The following ABTB3 variants were observed in gnomAD, a reference collection of about 807,000 sequenced individuals.
ABTB3 encodes the protein ankyrin repeat and BTB domain containing 3.
chr12:107,549,915 G>A, the ABTB3 span, among the ~76,000 whole-genome samples: 1 of 152,162 alleles, frequency 6.6e-6, no homozygotes, highest in Non-Finnish European at 1.5e-5. Flanking sequence ...AGATATTGGG[G>A]CTTGTAAAAC....
At chr12:107,646,082 G>GC in the ABTB3 span, among the ~76,000 whole-genome samples, 6 of 152,246 alleles carry the variant, frequency 3.9e-5, no homozygotes, top group Non-Finnish European at 8.8e-5. Context: ...AACATCACGC[G>GC]CCGGCAAGGG....
chr12:107,376,362 T>C, the ABTB3 span, among the ~76,000 whole-genome samples: 2 of 152,204 alleles, frequency 1.3e-5, no homozygotes, highest in Non-Finnish European at 2.9e-5. Flanking sequence ...AGTATATATT[T>C]GATGAATGGA....
At chr12:107,587,685 G>C in the ABTB3 span, among the ~76,000 whole-genome samples, 1 of 152,152 alleles carries the variant, frequency 6.6e-6, no homozygotes, top group Non-Finnish European at 1.5e-5. Context: ...GTCCTGAGGT[G>C]TTCTCAAATA....
At chr12:107,594,441 A>G in the ABTB3 span, among the ~76,000 whole-genome samples, 3 of 152,198 alleles carry the variant, frequency 2.0e-5, no homozygotes, top group African/African-American at 7.2e-5. Context: ...CAGTAGCAGC[A>G]TTAAACAGCA....
the ABTB3 span, among the ~76,000 whole-genome samples, chr12:107,494,795 T>A: frequency 2.6e-5 from 4 of 152,176 alleles, no homozygotes; most frequent in African/African-American, 4.8e-5. Context: ...GGCTCTGCGC[T>A]GCAGCCGCCT....
At chr12:107,319,583 C>T in the ABTB3 span, 1 of 1,538,758 alleles carries the variant, frequency 6.5e-7, no homozygotes, top group Admixed American at 2.0e-5. Flanking sequence ...CTCCGTGGGC[C>T]GCGTGTATCG....
chr12:107,542,373 A>G, the ABTB3 span, among the ~76,000 whole-genome samples: 10 of 152,118 alleles, frequency 6.6e-5, no homozygotes, highest in East Asian at 1.9e-3. Flanking sequence ...AGTACGCAAC[A>G]TATTCTGGTG....
the ABTB3 span, among the ~76,000 whole-genome samples, chr12:107,592,658 A>G: frequency 6.6e-6 from 1 of 152,274 alleles, no homozygotes; most frequent in African/African-American, 2.4e-5. Context: ...TAACACTTCT[A>G]TAAAGTTCAC....
the ABTB3 span, among the ~76,000 whole-genome samples, chr12:107,430,439 T>A: frequency 6.6e-6 from 1 of 152,278 alleles, no homozygotes; most frequent in East Asian, 1.9e-4. Flanking sequence ...TTGAAAATTC[T>A]GTACAATTTA....
the ABTB3 span, among the ~76,000 whole-genome samples, chr12:107,341,132 T>G: frequency 6.6e-6 from 1 of 152,206 alleles, no homozygotes; most frequent in Non-Finnish European, 1.5e-5. Context: ...AGCATACCCC[T>G]GAGTGCTGTC....
the ABTB3 span, among the ~76,000 whole-genome samples, chr12:107,431,291 G>A: frequency 6.6e-6 from 1 of 152,182 alleles, no homozygotes; most frequent in Admixed American, 6.5e-5. Context: ...ACTCCCAGGA[G>A]GTCTGATACA....
chr12:107,326,843 T>C, the ABTB3 span, among the ~76,000 whole-genome samples: 83,124 of 152,084 alleles, frequency 0.55, 23,152 homozygotes, highest in East Asian at 0.72. Context: ...TGGTCCTCAG[T>C]AGTGATGAAA....
the ABTB3 span, among the ~76,000 whole-genome samples, chr12:107,459,662 A>C: frequency 4.6e-5 from 7 of 152,266 alleles, no homozygotes; most frequent in Non-Finnish European, 4.4e-5. Flanking sequence ...GCAACAGCCC[A>C]GCGGGGTGCA....
chr12:107,470,000 CTTTCTT>C, the ABTB3 span, among the ~76,000 whole-genome samples: 259 of 96,196 alleles, frequency 2.7e-3, 20 homozygotes, highest in African/African-American at 0.011. Context: ...TTCTTTCTTT[CTTTCTT>C]TCTTTCTCTC....
the ABTB3 span, chr12:107,318,675 G>T: frequency 2.2e-6 from 1 of 453,302 alleles, no homozygotes; most frequent in Non-Finnish European, 3.9e-6. Context: ...GCCCCGGCGG[G>T]AGCTTCCTTC....
chr12:107,319,036 C>T, the ABTB3 span: 1 of 1,613,676 alleles, frequency 6.2e-7, no homozygotes, highest in East Asian at 2.2e-5. Flanking sequence ...TGCGCTCCTC[C>T]AACTTGTCTT....
chr12:107,554,293 G>A, the ABTB3 span, among the ~76,000 whole-genome samples: 5 of 151,984 alleles, frequency 3.3e-5, no homozygotes, highest in East Asian at 7.7e-4. Context: ...ATGCTTATGG[G>A]GTACAGTGTG....
chr12:107,418,344 A>G, the ABTB3 span, among the ~76,000 whole-genome samples: 1 of 152,158 alleles, frequency 6.6e-6, no homozygotes, highest in Non-Finnish European at 1.5e-5. Flanking sequence ...CAGCTTGCAG[A>G]TGGCTTATTG....
At chr12:107,443,774 C>G in the ABTB3 span, among the ~76,000 whole-genome samples, 1 of 152,088 alleles carries the variant, frequency 6.6e-6, no homozygotes, top group Non-Finnish European at 1.5e-5. Flanking sequence ...GTGGTGGAGA[C>G]CCCAACAGGG....
Sources: gnomAD v4.1 joint callset for allele counts (sites outside exome capture counted in the v4.1 genomes callset) on GRCh38, gnomAD v4.1.1 for gene constraint, MANE v1.5 for transcripts, NCBI Gene and HGNC (gene_info 2026-07-23, HGNC 2026-07-21) for gene names.